The following KRT72 variants were observed in gnomAD, a reference collection of about 807,000 sequenced individuals.
The protein encoded by KRT72 is keratin, type II cytoskeletal 72.
A neutral mutation model predicts 44.7 loss-of-function variants in KRT72; 44 were observed. The ratio of observed to expected loss-of-function variants is 0.98; its 90% CI spans 0.77 to 1.27. The LOEUF is 1.27. Among genes scored for constraint, KRT72 ranks in the 50% most tolerant of loss-of-function variants. The pLI is 0.00. For missense variants in KRT72, 736 were observed against 667.1 expected, an observed-to-expected ratio of 1.10 and a Z score of -1.14; for synonymous variants, 302 against 280.4, an observed-to-expected ratio of 1.08 and a Z score of -0.77.
At chr12:52,591,993 A>C (rs142140732) in intron 4 of KRT72, among the ~76,000 whole-genome samples, 40 of 152,206 alleles carry the variant, frequency 2.6e-4, no homozygotes, top group African/African-American at 9.6e-4. Context: ...GCCCTTCTTC[A>C]TTCCTCATGC....
intron 3 of KRT72, 24 bp downstream of exon 3, chr12:52,592,868 C>A (rs1189027457): frequency 6.2e-7 from 1 of 1,611,554 alleles, no homozygotes; most frequent in South Asian, 1.1e-5. Context: ...AGGCTTCTTC[C>A]AGCCCACCTG....
intron 4 of KRT72, among the ~76,000 whole-genome samples, chr12:52,592,042 G>GC (rs1940055727): frequency 6.6e-6 from 1 of 151,946 alleles, no homozygotes; most frequent in African/African-American, 2.4e-5. Context: ...CTATTTTTCT[G>GC]CCCCCCTCAG....
At position 52,587,702 on chromosome 12, in the gene KRT72, G is replaced by C. The variant is rs202134032; in HGVS notation, c.1239C>G (p.Leu413=). 1.2e-6 allele frequency: 2 copies of C among 1,614,144 alleles called. No homozygotes were observed. The highest frequency in any genetic ancestry group is 2.2e-5 in the East Asian group (1 of 44,864). ...TATCCAGGGCCAGCTTCAGGCTCAC[G>C]AGCTCCTGGTACTCACGCAGCATCC... ...LARMLREYQE[L]VSLKLALDME... The change falls in exon 7 of 9, where the codon CTC becomes CTG. Residue 413 remains leucine, a synonymous_variant. Transcript: ENST00000293745.
rs773326351 is a variant in KRT72 at position 52,587,770 on chromosome 12, CATCCAGCTT to C, written c.1162_1170del (p.Lys388_Asp390del). The C allele has an allele frequency of 2.1e-5, 34 of 1,614,098 alleles. No individual in the cohort carries two copies. The highest frequency in any genetic ancestry group is 2.8e-5 in the Non-Finnish European group (33 of 1,180,050). ...GCCTGGTGCAGGGCGCCCTCCAGCT[CATCCAGCTT>C]GGCCCGGGCATCTTTCAGGGCGCAG... On this transcript the variant is annotated inframe_deletion, in exon 7 of 9. Coordinates refer to ENST00000293745, the MANE Select transcript of KRT72 (RefSeq NM_080747.3).
At chr12:52,589,785 G>A (rs1049494527) in intron 6 of KRT72, among the ~76,000 whole-genome samples, 3 of 152,148 alleles carry the variant, frequency 2.0e-5, no homozygotes, top group African/African-American at 7.2e-5. Context: ...GACCACCAAA[G>A]CAAGTCAGTT....
chr12:52,591,666 A>G, intron 4 of KRT72, 38 bp from the exon 5 acceptor site: 1 of 1,567,276 alleles, frequency 6.4e-7, no homozygotes, highest in Non-Finnish European at 8.7e-7. Context: ...GTTAAGGGGT[A>G]CTCATGAGGA....
chr12:52,599,663 A>G (rs1940346304), intron 1 of KRT72, among the ~76,000 whole-genome samples: 1 of 152,110 alleles, frequency 6.6e-6, no homozygotes, highest in Non-Finnish European at 1.5e-5. Context: ...CCTATCTTTC[A>G]GCTTGAGGGG....
chr12:52,590,539 T>C (rs1939961811), intron 6 of KRT72, among the ~76,000 whole-genome samples: 1 of 152,194 alleles, frequency 6.6e-6, no homozygotes, highest in Admixed American at 6.5e-5. Flanking sequence ...CATCACTACC[T>C]AGGCCCATTG....
At chr12:52,593,160 G>C (rs985872626) in intron 2 of KRT72, among the ~76,000 whole-genome samples, 2 of 152,228 alleles carry the variant, frequency 1.3e-5, no homozygotes, top group African/African-American at 2.4e-5. Context: ...TGTGCATTCT[G>C]TCTTAAAACT....
Position 52,586,123 on chromosome 12 carries a change from C to T in KRT72, c.1395G>A (p.Met465Ile), listed in dbSNP as rs1436580649. ...TATAACTGCTTGAGGCGCCAAAGCC[C>T]ATGCTGAAGCCAGCCCCTCCTGCCC... The part of the protein sequence containing the change: ...NAGAGGAGFS[M>I]GFGASSSYSY... Residue 465 changes from methionine (M) to isoleucine (I), a missense_variant, in exon 9 of 9, where the codon ATG (methionine) becomes ATA (isoleucine). By Grantham distance (10) the Met-to-Ile change is conservative (BLOSUM62 1). Transcript: ENST00000293745. 6.2e-7 allele frequency: 1 copy of T among 1,614,164 alleles called. No individual in the cohort carries two copies. Among genetic ancestry groups the T allele is most frequent in the Admixed American group, 1.7e-5 (1 of 60,034 alleles).
At chr12:52,587,902 T>C in intron 6 of KRT72, 51 bp from the exon 7 acceptor site, 3 of 1,539,646 alleles carry the variant, frequency 1.9e-6, no homozygotes, top group Non-Finnish European at 2.7e-6. Context: ...AGTTCTGAGA[T>C]CTTGCTTGGA....
chr12:52,594,702 T>C (rs1424273839), intron 2 of KRT72, among the ~76,000 whole-genome samples: 2 of 152,222 alleles, frequency 1.3e-5, no homozygotes, highest in Non-Finnish European at 2.9e-5. Context: ...TATACATATG[T>C]AGCAAACCTG....
At chr12:52,589,391 C>T (rs1357514806) in intron 6 of KRT72, among the ~76,000 whole-genome samples, 1 of 152,172 alleles carries the variant, frequency 6.6e-6, no homozygotes, top group African/African-American at 2.4e-5. Flanking sequence ...CCCTGCCCCA[C>T]CCTTGGGACT....
At chr12:52,589,946 G>T (rs1202462192) in intron 6 of KRT72, among the ~76,000 whole-genome samples, 1 of 152,170 alleles carries the variant, frequency 6.6e-6, no homozygotes, top group African/African-American at 2.4e-5. Context: ...ATTTAATGCT[G>T]GTCTTTCTTC....
chr12:52,592,444 C>A lies in KRT72; in HGVS notation c.750G>T (p.Val250=), dbSNP rs1359805655. 1 of 1,613,998 alleles carries A rather than the reference C, an allele frequency of 6.2e-7. No homozygotes were observed. Among genetic ancestry groups the A allele is most frequent in the African/African-American group, 1.3e-5 (1 of 74,920 alleles). The change falls in exon 4 of 9, where the codon GTG becomes GTT. Residue 250 remains valine (V), a synonymous_variant. Coordinates refer to ENST00000293745, the MANE Select transcript of KRT72 (RefSeq NM_080747.3). ...ATTTAATCTCATCTGTCAAGGAGTCCACCTTGGCCTGGAGCTCAACCTTAT... is the reference window on the plus strand; with the variant it reads ...ATTTAATCTCATCTGTCAAGGAGTCAACCTTGGCCTGGAGCTCAACCTTAT... The part of the protein sequence containing the change: ...YMNKVELQAK[V]DSLTDEIKFF...
intron 6 of KRT72, among the ~76,000 whole-genome samples, chr12:52,588,561 T>C (rs969123833): frequency 3.3e-5 from 5 of 152,188 alleles, no homozygotes; most frequent in African/African-American, 1.2e-4. Flanking sequence ...ATGCATGCTG[T>C]GCTCAAGATG....
chr12:52,587,896 C>G (rs1337352162), intron 6 of KRT72, 45 bp from the exon 7 acceptor site: 36 of 1,565,234 alleles, frequency 2.3e-5, no homozygotes, highest in Non-Finnish European at 3.1e-5. Flanking sequence ...GAGCCCAGTT[C>G]TGAGATCTTG....
At position 52,601,345 on chromosome 12, in the gene KRT72, G is replaced by A. The variant is rs2120826173; in HGVS notation, c.108C>T (p.Ala36=). Residue 36 remains alanine (A), a synonymous_variant, in exon 1 of 9, where the codon GCC becomes GCT. Transcript: ENST00000293745. The part of the protein sequence containing the change: ...GIGSSSASFR[A]RVKGSASFGS... The stretch of plus-strand genomic sequence containing the variant: ...CAAAGGAGGCCGAGCCCTTGACCCG[G>A]GCCCGGAATGAGGCGGAGCTGCTGC... 3 of 1,544,900 alleles carry A rather than the reference G, an allele frequency of 1.9e-6. No individual in the cohort carries two copies. Among genetic ancestry groups the A allele is most frequent in the Non-Finnish European group, 1.7e-6 (2 of 1,146,828 alleles).
chr12:52,596,009 A>G (rs1940216282), intron 2 of KRT72, among the ~76,000 whole-genome samples: 1 of 152,142 alleles, frequency 6.6e-6, no homozygotes, highest in Non-Finnish European at 1.5e-5. Context: ...TGTGATTTTG[A>G]CATGTAATCA....
Sources: allele counts gnomAD v4.1 joint callset (sites outside exome capture counted in the v4.1 genomes callset), GRCh38; gene constraint gnomAD v4.1.1; transcripts MANE v1.5; gene names NCBI Gene and HGNC (gene_info 2026-07-23, HGNC 2026-07-21).